Variants in REV3L observed in about 807,000 individuals in gnomAD.
REV3L encodes the protein REV3 like, DNA directed polymerase zeta catalytic subunit, also known as DNA polymerase zeta catalytic subunit.
REV3L carries 69 observed loss-of-function variants against 299.4 expected under a neutral mutation model. The ratio of observed to expected loss-of-function variants is 0.23; its 90% CI spans 0.19 to 0.28. REV3L has a LOEUF of 0.28. Among genes scored for constraint, REV3L ranks in the 10% least tolerant of loss-of-function variants. The probability of loss-of-function intolerance (pLI) is 1.00; values close to 1 mark genes in which losing one functional copy is unlikely to be tolerated. For synonymous variants in REV3L, 1,238 were observed against 1,271.4 expected (o/e 0.97, Z 0.56); for missense variants, 3,128 against 3,693.8 (o/e 0.85, Z 3.97).
Position 111,313,458 on chromosome 6 carries a change from T to C in REV3L, c.8498A>G (p.Lys2833Arg). 6.2e-7 allele frequency: 1 copy of C among 1,611,322 alleles called. No individual in the cohort carries two copies. The highest frequency in any genetic ancestry group is 1.1e-5 in the South Asian group (1 of 90,330). The change falls in exon 28 of 32, where the codon AAG (lysine) becomes AGG (arginine). Residue 2833 changes from lysine to arginine, a missense_variant. Transcript: ENST00000368802. ...VYLPCVLQTK[K>R]RYVGYMYETL... is the part of the protein sequence containing the mutation. Reference sequence around the variant, plus strand: ...TTCATACATGTAACCCACATACCTCTTTTTTGTTTGTAAAACACAGGGCAA... The same window carrying C: ...TTCATACATGTAACCCACATACCTCCTTTTTGTTTGTAAAACACAGGGCAA...
At chr6:111,342,418 C>T (rs2114895928) in intron 21 of REV3L, among the ~76,000 whole-genome samples, 1 of 152,176 alleles carries the variant, frequency 6.6e-6, no homozygotes, top group Admixed American at 6.5e-5. Context: ...CCTGTAATCC[C>T]AGCACTTTGG....
chr6:111,351,823 T>C, intron 18 of REV3L, 32 bp from the exon 19 acceptor site: 1 of 1,372,802 alleles, frequency 7.3e-7, no homozygotes, highest in South Asian at 1.2e-5. Context: ...GTTATATAAG[T>C]ACCATACATT....
At chr6:111,430,273 G>C in intron 1 of REV3L, 2 of 1,015,636 alleles carry the variant, frequency 2.0e-6, no homozygotes, top group Non-Finnish European at 1.6e-6. Context: ...GACAATTGCA[G>C]AGAAAAGATC....
At chr6:111,427,331 CAT>C (rs1265025141) in intron 1 of REV3L, among the ~76,000 whole-genome samples, 3 of 152,098 alleles carry the variant, frequency 2.0e-5, no homozygotes, top group African/African-American at 7.2e-5. Flanking sequence ...AGTTGTGAAT[CAT>C]ATATTTCATA....
chr6:111,307,944 C>A (rs1197095490), intron 30 of REV3L: 1 of 272,552 alleles, frequency 3.7e-6, no homozygotes, highest in East Asian at 1.1e-4. Flanking sequence ...CAGCTCCCCA[C>A]CCCCCGACAG....
Position 111,374,177 on chromosome 6 carries a change from T to C in REV3L, c.4178A>G (p.Tyr1393Cys), listed in dbSNP as rs766338719. The change falls in exon 13 of 32, where the codon TAT becomes TGT. Residue 1393 changes from tyrosine (Y) to cysteine (C), a missense_variant. Physicochemically the swap from Tyr to Cys is radical, Grantham distance 194 (BLOSUM62 -2). Transcript: ENST00000368802. ...ACTTAACTTTCCGATTGATGACAAA[T>C]AGTTTCTTTGTATATTATTTGCATT... ...EDNANNIQRN[Y>C]LSSIGKLSEY... 7.4e-6 allele frequency: 12 copies of C among 1,613,926 alleles called. No homozygotes were observed. The highest frequency in any genetic ancestry group is 1.7e-5 in the Admixed American group (1 of 60,004).
chr6:111,446,701 A>AAAACAAACAAACAAAC (rs35603807), intron 1 of REV3L, among the ~76,000 whole-genome samples: 1 of 149,676 alleles, frequency 6.7e-6, no homozygotes, highest in Non-Finnish European at 1.5e-5. Flanking sequence ...ACTCTGTCTC[A>AAAACAAACAAACAAAC]AAACAAACAA....
intron 21 of REV3L, among the ~76,000 whole-genome samples, chr6:111,339,152 C>T (rs542480572): frequency 1.1e-4 from 16 of 152,204 alleles, no homozygotes; most frequent in Admixed American, 7.8e-4. Flanking sequence ...GAATCTAATT[C>T]TCTATCCTGA....
intron 31 of REV3L, among the ~76,000 whole-genome samples, chr6:111,303,276 A>G (rs1206641911): frequency 6.7e-6 from 1 of 149,120 alleles, no homozygotes; most frequent in Non-Finnish European, 1.5e-5. Flanking sequence ...GGTTCAAGTG[A>G]TTCTCCTGCC....
At chr6:111,305,240 C>A (rs1380445989) in intron 31 of REV3L, among the ~76,000 whole-genome samples, 1 of 152,120 alleles carries the variant, frequency 6.6e-6, no homozygotes, top group Non-Finnish European at 1.5e-5. Flanking sequence ...CCACGCCCGG[C>A]CGATTTTATT....
chr6:111,330,660 T>TA, intron 24 of REV3L, among the ~76,000 whole-genome samples: 1 of 152,312 alleles, frequency 6.6e-6, no homozygotes. Context: ...TTCTAACCTC[T>TA]AATTCATTTG....
intron 1 of REV3L, chr6:111,430,834 G>C: frequency 6.2e-7 from 1 of 1,608,600 alleles, no homozygotes; most frequent in East Asian, 2.2e-5. Context: ...TGAACAGTCA[G>C]TGCAAATTGG....
Position 111,367,604 on chromosome 6 carries a change from T to C in REV3L, c.6184A>G (p.Thr2062Ala). The change falls in exon 14 of 32, where the codon ACT (threonine) becomes GCT (alanine). Residue 2062 changes from threonine to alanine, a missense_variant. By Grantham distance (58) the Thr-to-Ala change is moderately conservative (BLOSUM62 0). Transcript: ENST00000368802. ...KMDVSPCILP[T>A]TAHTKEDVDN... is the part of the protein sequence containing the mutation. ...ACATCCTCCTTGGTATGTGCTGTAGTGGGGAGTATACATGGACTTACATCC... is the reference window on the plus strand; with the variant it reads ...ACATCCTCCTTGGTATGTGCTGTAGCGGGGAGTATACATGGACTTACATCC... 2 of 1,614,118 alleles carry C rather than the reference T, an allele frequency of 1.2e-6. No homozygotes were observed. The highest frequency in any genetic ancestry group is 1.7e-6 in the Non-Finnish European group (2 of 1,180,008).
rs1784248577 is a variant in REV3L at position 111,411,528 on chromosome 6, T to C, written c.356A>G (p.Glu119Gly). ...GMPFYGYHEKERHFMKIYLYN... is the reference protein window; with the variant it reads ...GMPFYGYHEKGRHFMKIYLYN... ...AAGATAGATCTTCATAAAGTGTCTT[T>C]CCTTCTCATGATAACCATAAAAAGG... is the stretch of plus-strand genomic sequence containing the variant. The change falls in exon 3 of 32, where the codon GAA becomes GGA. Residue 119 changes from glutamate (E) to glycine (G), a missense_variant. Coordinates refer to ENST00000368802, the MANE Select transcript of REV3L (RefSeq NM_001372078.1). 2 of 1,588,228 alleles carry C rather than the reference T, an allele frequency of 1.3e-6. No individual in the cohort carries two copies. Among genetic ancestry groups the C allele is most frequent in the African/African-American group, 1.4e-5 (1 of 74,014 alleles).
chr6:111,341,212 AATTTTTT>A (rs1776451349), intron 21 of REV3L, among the ~76,000 whole-genome samples: 1 of 151,814 alleles, frequency 6.6e-6, no homozygotes, highest in Non-Finnish European at 1.5e-5. Flanking sequence ...ATGCCCGGCT[AATTTTTT>A]GTATTTTTAA....
chr6:111,369,906 A>G (rs190881812), intron 13 of REV3L, among the ~76,000 whole-genome samples: 2,244 of 151,088 alleles, frequency 0.015, 32 homozygotes, highest in Non-Finnish European at 0.025. Context: ...GTGCGATCTC[A>G]GCTCACTGCA....
chr6:111,451,020 T>C (rs17751426), intron 1 of REV3L, among the ~76,000 whole-genome samples: 16,412 of 152,272 alleles, frequency 0.11, 1,168 homozygotes, highest in Middle Eastern at 0.22. Context: ...AGAATCATAA[T>C]GAGTTTCCAT....
chr6:111,345,572 T>C (rs1181017693), intron 20 of REV3L, among the ~76,000 whole-genome samples: 4 of 152,130 alleles, frequency 2.6e-5, no homozygotes, highest in Admixed American at 1.3e-4. Context: ...CCCATAATCA[T>C]ACCCCAGGAT....
chr6:111,427,262 C>A (rs1412324583), intron 1 of REV3L, among the ~76,000 whole-genome samples: 2 of 151,992 alleles, frequency 1.3e-5, no homozygotes, highest in African/African-American at 2.4e-5. Flanking sequence ...TACTAAAGGA[C>A]CTTAAGCTTT....
Sources: allele counts gnomAD v4.1 joint callset (sites outside exome capture counted in the v4.1 genomes callset), GRCh38; gene constraint gnomAD v4.1.1; transcripts MANE v1.5; gene names NCBI Gene and HGNC (gene_info 2026-07-23, HGNC 2026-07-21).